Variants in FIRRM observed in about 807,000 individuals in gnomAD.
FIRRM encodes FIGNL1 interacting regulator of recombination and mitosis.
the FIRRM span, among the ~76,000 whole-genome samples, chr1:169,810,123 T>C: frequency 2.6e-5 from 4 of 152,108 alleles, no homozygotes; most frequent in East Asian, 1.9e-4. Context: ...AGGGCACTTA[T>C]GTCATTCATG....
At chr1:169,835,622 G>A in the FIRRM span, among the ~76,000 whole-genome samples, 7 of 152,120 alleles carry the variant, frequency 4.6e-5, no homozygotes, top group Admixed American at 4.6e-4. Flanking sequence ...GCAGTTTTAA[G>A]TCTTTAGAAT....
the FIRRM span, among the ~76,000 whole-genome samples, chr1:169,846,820 A>G: frequency 8.5e-5 from 13 of 152,160 alleles, no homozygotes; most frequent in Non-Finnish European, 1.6e-4. Context: ...AGCATTTTTC[A>G]TTTCCTTCAA....
chr1:169,827,931 T>C, the FIRRM span: 4 of 1,408,638 alleles, frequency 2.8e-6, no homozygotes, highest in African/African-American at 2.9e-5. Context: ...TGTGTGTTTT[T>C]TTTTTAAATC....
At chr1:169,847,828 GTAT>G in the FIRRM span, 1 of 1,464,326 alleles carries the variant, frequency 6.8e-7, no homozygotes, top group Non-Finnish European at 9.5e-7. Context: ...CTCTGTTCTT[GTAT>G]TATTAAAACA....
chr1:169,790,651 A>G, the FIRRM span, among the ~76,000 whole-genome samples: 1 of 152,064 alleles, frequency 6.6e-6, no homozygotes, highest in Non-Finnish European at 1.5e-5. Flanking sequence ...CCTGGATGAG[A>G]CCTCATTAAA....
chr1:169,793,124 A>C, the FIRRM span: 3 of 1,614,166 alleles, frequency 1.9e-6, no homozygotes, highest in Non-Finnish European at 2.5e-6. Flanking sequence ...AAGATCCAAG[A>C]CTTTTTTCCC....
chr1:169,792,154 CA>C, the FIRRM span, among the ~76,000 whole-genome samples: 9 of 152,248 alleles, frequency 5.9e-5, no homozygotes, highest in Non-Finnish European at 1.0e-4. Context: ...CAAAACGAAA[CA>C]AAAACCTCTT....
chr1:169,851,705 C>G, the FIRRM span: 1 of 1,316,434 alleles, frequency 7.6e-7, no homozygotes, highest in East Asian at 2.3e-5. Context: ...ATGTGACTTC[C>G]AGAATTTGCC....
At chr1:169,827,110 C>T in the FIRRM span, 1 of 1,613,790 alleles carries the variant, frequency 6.2e-7, no homozygotes, top group South Asian at 1.1e-5. Flanking sequence ...GAGGAAATAG[C>T]AGGTGCTTTC....
At chr1:169,807,997 T>A in the FIRRM span, 1 of 1,437,812 alleles carries the variant, frequency 7.0e-7, no homozygotes, top group Non-Finnish European at 9.5e-7. Flanking sequence ...TAAATCTCAT[T>A]TGAATGTCTG....
the FIRRM span, chr1:169,836,819 A>G: frequency 1.3e-6 from 1 of 740,998 alleles, no homozygotes; most frequent in South Asian, 2.0e-5. Context: ...CCGTACCATT[A>G]TAAAGCTTTC....
At chr1:169,847,892 T>C in the FIRRM span, 2 of 852,768 alleles carry the variant, frequency 2.3e-6, no homozygotes, top group Admixed American at 5.2e-5. Flanking sequence ...TTTTCTGAAA[T>C]TTTGCAATTA....
At chr1:169,784,760 T>C in the FIRRM span, 1 of 152,212 alleles carries the variant, frequency 6.6e-6, no homozygotes, top group East Asian at 1.9e-4. Flanking sequence ...GTCTTTTCTG[T>C]TCATCACTCA....
chr1:169,815,422 C>T, the FIRRM span, among the ~76,000 whole-genome samples: 5 of 151,948 alleles, frequency 3.3e-5, no homozygotes, highest in Admixed American at 2.6e-4. Flanking sequence ...AGATTATTCC[C>T]TTTCTGGGAA....
At chr1:169,853,078 G>GC in the FIRRM span, 1 of 1,255,504 alleles carries the variant, frequency 8.0e-7, no homozygotes, top group South Asian at 1.3e-5. Context: ...AACAAATTTT[G>GC]TAAAGTTGAA....
At chr1:169,820,846 G>A in the FIRRM span, among the ~76,000 whole-genome samples, 6 of 152,134 alleles carry the variant, frequency 3.9e-5, no homozygotes, top group African/African-American at 1.4e-4. Flanking sequence ...CCCCAAAAGA[G>A]GTCTGGATCT....
At chr1:169,849,513 C>A in the FIRRM span, 12 of 1,613,188 alleles carry the variant, frequency 7.4e-6, no homozygotes, top group Non-Finnish European at 9.3e-6. Context: ...AGAATTCTGC[C>A]CAACCTGTCC....
the FIRRM span, chr1:169,805,951 C>T: frequency 1.6e-5 from 17 of 1,043,334 alleles, no homozygotes. Flanking sequence ...ATAGGAGAAA[C>T]TCACCCCCAT....
the FIRRM span, among the ~76,000 whole-genome samples, chr1:169,801,445 C>CAAAAAAAAAAAA: frequency 1.6e-5 from 1 of 61,716 alleles, no homozygotes; most frequent in African/African-American, 5.9e-5. Flanking sequence ...TGCTCCGTCT[C>CAAAAAAAAAAAA]AAAAAAAAAA....
Sources: allele counts gnomAD v4.1 joint callset (sites outside exome capture counted in the v4.1 genomes callset), GRCh38; gene constraint gnomAD v4.1.1; transcripts MANE v1.5; gene names NCBI Gene and HGNC (gene_info 2026-07-23, HGNC 2026-07-21).